DNAH7: variants seen among roughly 807,000 people sequenced by gnomAD.
DNAH7 encodes the protein dynein axonemal heavy chain 7.
In DNAH7, 397 loss-of-function variants were observed where a neutral mutation model predicts 444.6. The observed-to-expected ratio is 0.89, with a 90% confidence interval of 0.82 to 0.97. The LOEUF is 0.97. Ranked by LOEUF, DNAH7 falls within the 50% of genes least tolerant of loss-of-function variation. The probability of loss-of-function intolerance (pLI) is 0.00; values close to 1 mark genes in which losing one functional copy is unlikely to be tolerated. For synonymous variants in DNAH7, 1,636 were observed against 1,624.4 expected (o/e 1.01, Z -0.17); for missense variants, 4,902 against 4,800.8 (o/e 1.02, Z -0.62).
chr2:195,844,309 C>A (rs1198609908), intron 47 of DNAH7, among the ~76,000 whole-genome samples: 1 of 152,028 alleles, frequency 6.6e-6, no homozygotes, highest in Non-Finnish European at 1.5e-5. Context: ...TAGGAAATAT[C>A]TGTGCTATCG....
At chr2:195,944,567 G>C (rs1168888491) in intron 19 of DNAH7, among the ~76,000 whole-genome samples, 1 of 152,150 alleles carries the variant, frequency 6.6e-6, no homozygotes, top group African/African-American at 2.4e-5. Flanking sequence ...GGTACCCAGA[G>C]TCAATTACAT....
chr2:195,897,507 T>C (rs1304814600), intron 29 of DNAH7, among the ~76,000 whole-genome samples, 160 bp downstream of exon 29: 1 of 152,164 alleles, frequency 6.6e-6, no homozygotes, highest in Non-Finnish European at 1.5e-5. Flanking sequence ...GTTCTCAAAG[T>C]GACAAAGCTA....
rs772518830 is a variant in DNAH7 at position 195,957,248 on chromosome 2, T to C, written c.3078+13A>G. ...AACCAAATAATGACATTTTTGGAGA[T>C]TTTTTCACCTACCTGCATGACACTT... is the stretch of plus-strand genomic sequence containing the variant. On this transcript the variant is annotated intron_variant, in intron 19 of 64. Coordinates refer to ENST00000312428, the MANE Select transcript of DNAH7 (RefSeq NM_018897.3). 4 of 1,473,418 alleles carry C rather than the reference T, an allele frequency of 2.7e-6. No individual in the cohort carries two copies. In the African/African-American group the frequency reaches 5.7e-5, roughly 21 times the overall value. 91.3% of individuals were successfully genotyped at this position (1,473,418 alleles called of 1,614,324 possible).
intron 15 of DNAH7, among the ~76,000 whole-genome samples, chr2:195,978,813 T>C (rs904609024): frequency 9.2e-5 from 14 of 152,142 alleles, no homozygotes; most frequent in Non-Finnish European, 1.0e-4. Flanking sequence ...AGATAAAAGC[T>C]ATTAAGAGAC....
At position 195,738,131 on chromosome 2, in the gene DNAH7, G is replaced by A. The variant is rs768837015; in HGVS notation, c.11869-4C>T. On this transcript the variant is annotated splice_region_variant and splice_polypyrimidine_tract_variant and intron_variant, in intron 64 of 64. Transcript: ENST00000312428. ...TCTTACAGGGCTTTAGCCACATCTG[G>A]AAGAAAGTACATAACACCTCTTTAA... 1.9e-6 allele frequency: 3 copies of A among 1,612,934 alleles called. No homozygotes were observed. The highest frequency in any genetic ancestry group is 1.7e-5 in the Admixed American group (1 of 59,992).
intron 5 of DNAH7, among the ~76,000 whole-genome samples, chr2:196,040,655 T>C (rs900487332): frequency 6.6e-6 from 1 of 152,124 alleles, no homozygotes; most frequent in African/African-American, 2.4e-5. Context: ...TTCTGTAAGA[T>C]CTGGAACAAG....
At chr2:195,880,452 C>G (rs1015281284) in intron 36 of DNAH7, among the ~76,000 whole-genome samples, 1 of 151,998 alleles carries the variant, frequency 6.6e-6, no homozygotes, top group Admixed American at 6.6e-5. Flanking sequence ...CCTCAGCCAC[C>G]TGAGTAGCTG....
intron 19 of DNAH7, among the ~76,000 whole-genome samples, chr2:195,949,633 T>C (rs1448505870): frequency 2.0e-5 from 3 of 152,130 alleles, no homozygotes; most frequent in East Asian, 1.9e-4. Context: ...GAACTTCCAA[T>C]ACTATGTTGA....
chr2:195,784,683 C>G (rs1432234901), intron 58 of DNAH7, among the ~76,000 whole-genome samples: 2 of 152,132 alleles, frequency 1.3e-5, no homozygotes, highest in East Asian at 3.9e-4. Context: ...AAGTATCTTC[C>G]ATAGTGGCTG....
At chr2:196,060,130 A>C (rs1427873113) in intron 1 of DNAH7, among the ~76,000 whole-genome samples, 1 of 152,114 alleles carries the variant, frequency 6.6e-6, no homozygotes, top group Non-Finnish European at 1.5e-5. Flanking sequence ...AGGCAGGAGA[A>C]TGGTGTGAAC....
rs1277138944 is a variant in DNAH7, at chr2:195,857,461, T to G, written c.8330A>C (p.Asp2777Ala). 6.2e-7 allele frequency: 1 copy of G among 1,613,268 alleles called. No individual in the cohort carries two copies. The highest frequency in any genetic ancestry group is 1.3e-5 in the African/African-American group (1 of 74,834). ...IIRKNYIPNP[D>A]FVPEKIRNAS... is the part of the protein sequence containing the mutation. ...ATTTCTGATTTTTTCTGGTACAAAA[T>G]CTGGATTTGGAATATAATTTTTTCT... The change falls in exon 44 of 65, where the codon GAT becomes GCT. Residue 2777 changes from aspartate (D) to alanine (A), a missense_variant. Coordinates refer to ENST00000312428, the MANE Select transcript of DNAH7 (RefSeq NM_018897.3).
intron 22 of DNAH7, among the ~76,000 whole-genome samples, chr2:195,925,917 C>A (rs1006616641): frequency 1.3e-5 from 2 of 151,680 alleles, no homozygotes; most frequent in Non-Finnish European, 2.9e-5. Flanking sequence ...TTAATATATC[C>A]AATTATATTA....
rs187868057 is a variant in DNAH7 at position 196,050,335 on chromosome 2, G to T, written c.141+852C>A. Among the ~76,000 whole-genome samples, 619 of 152,194 alleles carry T rather than the reference G, an allele frequency of 4.1e-3. 2 individuals are homozygous for T. Among genetic ancestry groups the T allele is most frequent in the African/African-American group, 0.014 (590 of 41,528 alleles). On this transcript the variant is annotated intron_variant, in intron 3 of 64. Coordinates refer to ENST00000312428, the MANE Select transcript of DNAH7 (RefSeq NM_018897.3). ...AAGTAGAATGGTGGTTTGCCAGGAGGTGGGGGAGGGGAAAATGGGGAGTCA... is the reference window on the plus strand; with the variant it reads ...AAGTAGAATGGTGGTTTGCCAGGAGTTGGGGGAGGGGAAAATGGGGAGTCA...
chr2:195,859,985 G>C (rs190863934), intron 42 of DNAH7, among the ~76,000 whole-genome samples: 70 of 152,204 alleles, frequency 4.6e-4, no homozygotes, highest in African/African-American at 1.6e-3. Context: ...AGCTATTATG[G>C]GAAGAATAAT....
At chr2:196,057,863 C>T (rs1697904464) in intron 2 of DNAH7, among the ~76,000 whole-genome samples, 191 bp downstream of exon 2, 1 of 152,134 alleles carries the variant, frequency 6.6e-6, no homozygotes, top group African/African-American at 2.4e-5. Context: ...AAATTACAGC[C>T]TATAGTTATT....
At chr2:195,982,965 T>C (rs1457384245) in intron 15 of DNAH7, among the ~76,000 whole-genome samples, 2 of 152,164 alleles carry the variant, frequency 1.3e-5, no homozygotes, top group East Asian at 3.8e-4. Context: ...CATTTTGAAA[T>C]AGCTAAAAGT....
At chr2:196,011,530 C>A (rs919839052) in intron 10 of DNAH7, among the ~76,000 whole-genome samples, 6 of 152,004 alleles carry the variant, frequency 3.9e-5, no homozygotes, top group African/African-American at 1.4e-4. Context: ...CTGGAAACCA[C>A]ACACTGTGAG....
intron 18 of DNAH7, among the ~76,000 whole-genome samples, 189 bp downstream of exon 18, chr2:195,960,071 T>C (rs1429188466): frequency 6.6e-6 from 1 of 152,168 alleles, no homozygotes; most frequent in Admixed American, 6.5e-5. Flanking sequence ...TTATAATATC[T>C]TTAAATATTT....
intron 57 of DNAH7, among the ~76,000 whole-genome samples, chr2:195,788,861 GTGTATT>G (rs1160201769): frequency 2.0e-5 from 3 of 152,196 alleles, no homozygotes; most frequent in African/African-American, 7.2e-5. Flanking sequence ...CTGCATGTAT[GTGTATT>G]TGTATATTTG....
Sources: gnomAD v4.1 joint callset for allele counts (sites outside exome capture counted in the v4.1 genomes callset) on GRCh38, gnomAD v4.1.1 for gene constraint, MANE v1.5 for transcripts, NCBI Gene and HGNC (gene_info 2026-07-23, HGNC 2026-07-21) for gene names.